The following EFCAB14 variants were observed in gnomAD, a reference collection of about 807,000 sequenced individuals.
EFCAB14 encodes EF-hand calcium binding domain 14, also known as EF-hand calcium-binding domain-containing protein 14.
Under a neutral mutation model 56.5 loss-of-function variants are expected in EFCAB14, and 43 were observed. The observed-to-expected ratio is 0.76, with a 90% CI of 0.60 to 0.98. EFCAB14 has a LOEUF of 0.98. Among genes scored for constraint, EFCAB14 ranks in the 50% least tolerant of loss-of-function variants. EFCAB14 has a pLI of 0.00. For synonymous variants in EFCAB14, 235 were observed against 212.9 expected, an observed-to-expected ratio of 1.10 and a Z score of -0.90; for missense variants, 538 against 580.3, an observed-to-expected ratio of 0.93 and a Z score of 0.75.
rs1265632709 is a variant in EFCAB14 at position 46,678,440 on chromosome 1, T to A, written c.*21A>T. 1 of 1,613,454 alleles carries A rather than the reference T, an allele frequency of 6.2e-7. No homozygotes were observed. The highest frequency in any genetic ancestry group is 8.5e-7 in the Non-Finnish European group (1 of 1,179,856). On this transcript the variant is annotated 3_prime_UTR_variant, in exon 11 of 11. Coordinates refer to ENST00000371933, the MANE Select transcript of EFCAB14 (RefSeq NM_014774.3). Reference sequence around the variant, plus strand: ...GTAAATAGATATTAGGCAGTCCATTTCTAAAATATGCCTGATGAAGCTAGA... The same window carrying A: ...GTAAATAGATATTAGGCAGTCCATTACTAAAATATGCCTGATGAAGCTAGA...
rs770832349 is a variant in EFCAB14, at chr1:46,717,988, T to C, written c.100A>G (p.Thr34Ala). 1 of 1,614,212 alleles carries C rather than the reference T, an allele frequency of 6.2e-7. No homozygotes were observed. The highest frequency in any genetic ancestry group is 1.7e-5 in the Admixed American group (1 of 60,034). Residue 34 changes from threonine to alanine, a missense_variant, in exon 1 of 11, where the codon ACT (threonine) becomes GCT (alanine). Transcript: ENST00000371933. ...TCAGAGTCTGAGTCGGGAGGCTCAG[T>C]GCGAAGCAGGCGGTGACTGCTTGGG... is the stretch of plus-strand genomic sequence containing the variant. ...KGPSSHRLLR[T>A]EPPDSDSESS...
chr1:46,713,508 T>A (rs931460137), intron 2 of EFCAB14, among the ~76,000 whole-genome samples: 2 of 152,212 alleles, frequency 1.3e-5, no homozygotes, highest in African/African-American at 4.8e-5. Flanking sequence ...GTACAAGTAC[T>A]ACATTTTTAA....
chr1:46,695,785 T>G (rs1267372420), intron 4 of EFCAB14, among the ~76,000 whole-genome samples: 1 of 152,170 alleles, frequency 6.6e-6, no homozygotes, highest in Non-Finnish European at 1.5e-5. Context: ...GCTCAAGTGA[T>G]CTTCCTACTT....
chr1:46,718,185 G>A lies in EFCAB14; in HGVS notation c.-98C>T. 1.5e-6 allele frequency: 2 copies of A among 1,332,046 alleles called. No homozygotes were observed. Among genetic ancestry groups the A allele is most frequent in the African/African-American group, 1.5e-5 (1 of 68,794 alleles). The allele number at this position is 1,332,046 out of a possible 1,614,324, so 82.5% of individuals were successfully genotyped here. A position where few individuals can be genotyped will look rare whatever the true frequency, so the allele number is the denominator to read the frequency against. On this transcript the variant is annotated 5_prime_UTR_variant, in exon 1 of 11. Coordinates refer to ENST00000371933, the MANE Select transcript of EFCAB14 (RefSeq NM_014774.3). ...TGCCTTGGAGCTGCCTTCCAGGGTTGGGAATCCTGGGCCAGAGCCCCCTGG... is the reference window on the plus strand; with the variant it reads ...TGCCTTGGAGCTGCCTTCCAGGGTTAGGAATCCTGGGCCAGAGCCCCCTGG...
chr1:46,707,882 C>T (rs750439067), intron 3 of EFCAB14, 24 bp downstream of exon 3: 23 of 1,602,652 alleles, frequency 1.4e-5, no homozygotes, highest in Non-Finnish European at 1.9e-5. Context: ...ATAGCTTACA[C>T]AGCAAAAATC....
chr1:46,694,084 G>A (rs1017244211), intron 4 of EFCAB14, among the ~76,000 whole-genome samples: 2 of 152,096 alleles, frequency 1.3e-5, no homozygotes, highest in Non-Finnish European at 2.9e-5. Context: ...AATTCAAGAT[G>A]GATTAAATAC....
intron 10 of EFCAB14, among the ~76,000 whole-genome samples, chr1:46,679,121 CTG>C (rs1315757394): frequency 6.6e-6 from 1 of 152,178 alleles, no homozygotes; most frequent in Non-Finnish European, 1.5e-5. Flanking sequence ...ATAAAACAGA[CTG>C]TGGCATATTG....
At chr1:46,696,944 C>T (rs1461798264) in intron 3 of EFCAB14, among the ~76,000 whole-genome samples, 1 of 152,208 alleles carries the variant, frequency 6.6e-6, no homozygotes, top group Non-Finnish European at 1.5e-5. Context: ...TCTTAAATTA[C>T]TCAAAAGATG....
At chr1:46,680,294 A>G (rs2148836665) in intron 10 of EFCAB14, among the ~76,000 whole-genome samples, 1 of 152,382 alleles carries the variant, frequency 6.6e-6, no homozygotes, top group Admixed American at 6.5e-5. Flanking sequence ...TAATAGCCCA[A>G]AAGTGAGAAC....
chr1:46,688,622 C>T, intron 6 of EFCAB14, 78 bp from the exon 7 acceptor site: 1 of 1,233,178 alleles, frequency 8.1e-7, no homozygotes, highest in Admixed American at 2.1e-5. Context: ...ACCGAACAAC[C>T]ATTACTATGT....
At chr1:46,705,027 C>T (rs908221728) in intron 3 of EFCAB14, among the ~76,000 whole-genome samples, 1 of 152,062 alleles carries the variant, frequency 6.6e-6, no homozygotes, top group African/African-American at 2.4e-5. Context: ...CTAAAAGCAT[C>T]TTAAGTGACA....
chr1:46,714,488 A>G (rs1677357243), intron 2 of EFCAB14, among the ~76,000 whole-genome samples: 1 of 152,146 alleles, frequency 6.6e-6, no homozygotes, highest in Non-Finnish European at 1.5e-5. Flanking sequence ...ATGCAAACAT[A>G]CCTTTTGGAA....
chr1:46,709,205 GAATA>G (rs1677273973), intron 2 of EFCAB14, among the ~76,000 whole-genome samples: 1 of 152,114 alleles, frequency 6.6e-6, no homozygotes, highest in Non-Finnish European at 1.5e-5. Context: ...TTTATCACCT[GAATA>G]AATATTTCAC....
Position 46,718,209 on chromosome 1 carries a change from G to A in EFCAB14, c.-122C>T. 9.7e-7 allele frequency: 1 copy of A among 1,033,210 alleles called. No individual in the cohort carries two copies. The allele number at this position is 1,033,210 out of a possible 1,614,324, so 64.0% of individuals were successfully genotyped here. A position where few individuals can be genotyped will look rare whatever the true frequency, so the allele number is the denominator to read the frequency against. ...TGGGAATCCTGGGCCAGAGCCCCCT[G>A]GTCACTCCCACCTAGGGGTGGGACT... is the stretch of plus-strand genomic sequence containing the variant. On this transcript the variant is annotated 5_prime_UTR_variant, in exon 1 of 11. Transcript: ENST00000371933.
intron 2 of EFCAB14, among the ~76,000 whole-genome samples, chr1:46,715,528 T>C (rs1677374082): frequency 6.6e-6 from 1 of 152,178 alleles, no homozygotes; most frequent in Non-Finnish European, 1.5e-5. Flanking sequence ...ATTCAGTCCT[T>C]CTAAAGAGGC....
At chr1:46,707,453 A>G (rs1677249141) in intron 3 of EFCAB14, among the ~76,000 whole-genome samples, 3 of 152,230 alleles carry the variant, frequency 2.0e-5, no homozygotes, top group Non-Finnish European at 4.4e-5. Flanking sequence ...CAAGGTATTT[A>G]ACCAACTCCA....
At chr1:46,694,779 T>G (rs1362940673) in intron 4 of EFCAB14, among the ~76,000 whole-genome samples, 2 of 152,102 alleles carry the variant, frequency 1.3e-5, no homozygotes, top group Non-Finnish European at 2.9e-5. Context: ...ACACGCACAC[T>G]TATGTTTATT....
intron 10 of EFCAB14, among the ~76,000 whole-genome samples, chr1:46,679,665 C>A (rs1676760261): frequency 8.1e-6 from 1 of 122,950 alleles, no homozygotes; most frequent in Non-Finnish European, 1.6e-5. Context: ...GGCTGGAGTG[C>A]AGTGGTATGA....
intron 3 of EFCAB14, among the ~76,000 whole-genome samples, chr1:46,696,993 A>G (rs2148845642): frequency 6.6e-6 from 1 of 152,352 alleles, no homozygotes; most frequent in Middle Eastern, 3.4e-3. Context: ...TTGGACAGGA[A>G]GAAAGCTAAT....
Sources: gnomAD v4.1 joint callset for allele counts (sites outside exome capture counted in the v4.1 genomes callset) on GRCh38, gnomAD v4.1.1 for gene constraint, MANE v1.5 for transcripts, NCBI Gene and HGNC (gene_info 2026-07-23, HGNC 2026-07-21) for gene names.